The following ABHD18 variants were observed in gnomAD, a reference collection of about 807,000 sequenced individuals.
The protein encoded by ABHD18 is abhydrolase domain containing 18.
ABHD18 carries 55 observed loss-of-function variants against 65.9 expected under a neutral mutation model. That is an observed-to-expected ratio of 0.84 (90% CI 0.67 to 1.05). The LOEUF (loss-of-function observed/expected upper bound fraction) is 1.05, where lower values mean the gene tolerates loss of function less well. ABHD18 is among the 50% of genes least tolerant of loss of function. The pLI is 0.00. For missense variants in ABHD18, 533 were observed against 558.5 expected (o/e 0.95, Z 0.46); for synonymous variants, 181 against 180.2 (o/e 1.00, Z -0.04).
rs1759172178 is a variant in ABHD18, at chr4:128,039,463, A to G, written c.*3650A>G. Reference sequence around the variant, plus strand: ...CTTTGTAGTTCCTGCTCAGCCCTGAAGACCTCTAAGTTTGAGACCCCTGAT... The same window carrying G: ...CTTTGTAGTTCCTGCTCAGCCCTGAGGACCTCTAAGTTTGAGACCCCTGAT... On this transcript the variant is annotated 3_prime_UTR_variant, in exon 13 of 13. Transcript: ENST00000645843. The G allele has an allele frequency of 6.6e-6, 1 of 152,062 alleles. No homozygotes were observed. Among genetic ancestry groups the G allele is most frequent in the African/African-American group, 2.4e-5 (1 of 41,420 alleles). 9.4% of individuals were successfully genotyped at this position (152,062 alleles called of 1,614,324 possible).
intron 12 of ABHD18, chr4:128,031,226 G>A (rs1459028666): frequency 3.2e-5 from 23 of 712,942 alleles, no homozygotes; most frequent in African/African-American, 1.9e-4. Flanking sequence ...AGGCGGAGGC[G>A]GGTGTATCAC....
rs146855706 is a variant in ABHD18, at chr4:128,032,514, G to A, written c.1343+1842G>A. Among the ~76,000 whole-genome samples, 135 of 152,224 alleles carry A rather than the reference G, an allele frequency of 8.9e-4. 2 individuals carry two copies. The highest frequency in any genetic ancestry group is 3.0e-3 in the African/African-American group (123 of 41,536). ...AGCCTGGCCAATATGGTAAAACCCC[G>A]TCTCTACTAAAAATACAAAAATTAG... is the stretch of plus-strand genomic sequence containing the variant. On this transcript the variant is annotated intron_variant, in intron 12 of 12. Transcript: ENST00000645843.
intron 1 of ABHD18, among the ~76,000 whole-genome samples, chr4:127,975,665 C>T (rs1347108085): frequency 6.6e-6 from 1 of 152,118 alleles, no homozygotes; most frequent in Non-Finnish European, 1.5e-5. Flanking sequence ...TGGAGGAAAA[C>T]AAATCATGGC....
At chr4:128,028,943 A>G in intron 11 of ABHD18, 90 bp downstream of exon 11, 1 of 1,096,600 alleles carries the variant, frequency 9.1e-7, no homozygotes, top group Non-Finnish European at 1.2e-6. Flanking sequence ...ATAATTTTAT[A>G]TTTTCAAGGG....
intron 8 of ABHD18, among the ~76,000 whole-genome samples, chr4:128,019,003 GACT>G (rs1233670166): frequency 1.6e-5 from 2 of 127,634 alleles, no homozygotes; most frequent in Non-Finnish European, 3.1e-5. Flanking sequence ...AACAGAGTGA[GACT>G]ACATCTCAAA....
chr4:128,001,836 G>GT (rs1015770046), intron 4 of ABHD18: 38 of 1,301,108 alleles, frequency 2.9e-5, no homozygotes, highest in Admixed American at 1.9e-4. Context: ...GTTGAGTTTT[G>GT]TTTTGTTTTG....
chr4:127,987,009 G>T (rs1444306519), intron 3 of ABHD18, among the ~76,000 whole-genome samples: 2 of 152,112 alleles, frequency 1.3e-5, no homozygotes, highest in Admixed American at 6.5e-5. Context: ...ACACTAATTT[G>T]TTGCATTATT....
chr4:127,978,233 C>T (rs1748335931), intron 1 of ABHD18, among the ~76,000 whole-genome samples: 1 of 151,778 alleles, frequency 6.6e-6, no homozygotes, highest in Non-Finnish European at 1.5e-5. Flanking sequence ...TTTGTGGGTA[C>T]ATAGTAGGTG....
chr4:128,004,065 T>A (rs947907393), intron 4 of ABHD18, among the ~76,000 whole-genome samples: 17 of 152,342 alleles, frequency 1.1e-4, no homozygotes, highest in Admixed American at 4.6e-4. Context: ...ATAATTTTTT[T>A]AAATTATTCT....
chr4:127,975,593 C>T (rs1430352978), intron 1 of ABHD18, among the ~76,000 whole-genome samples: 1 of 152,132 alleles, frequency 6.6e-6, no homozygotes, highest in Non-Finnish European at 1.5e-5. Flanking sequence ...AAAGCTCCCA[C>T]CTTTTATGTA....
intron 1 of ABHD18, among the ~76,000 whole-genome samples, chr4:127,982,168 G>GA (rs1437211651): frequency 3.3e-5 from 5 of 151,594 alleles, no homozygotes; most frequent in Non-Finnish European, 7.4e-5. Flanking sequence ...TAAGATCTGA[G>GA]AAAAAATAAA....
chr4:127,990,445 T>A (rs530179812), intron 4 of ABHD18, among the ~76,000 whole-genome samples: 2 of 152,160 alleles, frequency 1.3e-5, no homozygotes, highest in Non-Finnish European at 2.9e-5. Context: ...GCACCTGTAA[T>A]CCCAGCTACC....
intron 1 of ABHD18, among the ~76,000 whole-genome samples, chr4:127,969,971 G>A (rs1746413476): frequency 1.3e-5 from 2 of 151,782 alleles, no homozygotes; most frequent in Admixed American, 6.6e-5. Context: ...CTTGTCTTGC[G>A]CTCCTGGGCC....
chr4:128,012,040 C>T (rs544366831), intron 7 of ABHD18, among the ~76,000 whole-genome samples: 5 of 151,220 alleles, frequency 3.3e-5, no homozygotes, highest in South Asian at 4.2e-4. Flanking sequence ...TGCACTGGTG[C>T]GATCTCAGCT....
At chr4:127,994,167 A>G (rs1022815142) in intron 4 of ABHD18, among the ~76,000 whole-genome samples, 4 of 152,250 alleles carry the variant, frequency 2.6e-5, no homozygotes, top group Non-Finnish European at 5.9e-5. Context: ...CTGTGGTGAC[A>G]GGTTTTATAG....
intron 4 of ABHD18, among the ~76,000 whole-genome samples, chr4:127,999,745 C>T (rs1752353489): frequency 6.6e-6 from 1 of 152,122 alleles, no homozygotes; most frequent in Non-Finnish European, 1.5e-5. Flanking sequence ...GTTGTCTCAA[C>T]CTGTTGATAC....
rs1433995299 is a variant in ABHD18, at chr4:127,978,368, A to G, written c.-17-4571A>G. Among the ~76,000 whole-genome samples the G allele has an allele frequency of 2.6e-5, 4 of 151,414 alleles. No individual in the cohort carries two copies. The South Asian group carries it at 6.2e-4, about 24-fold the overall frequency. ...CCATTTTACAATGACCGCCAATGAG[A>G]AGAAGGAATTTAATATTTTAAAGAA... On this transcript the variant is annotated intron_variant, in intron 1 of 12. Coordinates refer to ENST00000645843, the MANE Select transcript of ABHD18 (RefSeq NM_001358451.3).
chr4:128,024,216 G>C (rs1756995050), intron 10 of ABHD18, among the ~76,000 whole-genome samples: 1 of 152,172 alleles, frequency 6.6e-6, no homozygotes, highest in Non-Finnish European at 1.5e-5. Context: ...GAATGTGTGT[G>C]TGTGCAAAAG....
At chr4:128,027,046 G>T (rs1211439426) in intron 10 of ABHD18, among the ~76,000 whole-genome samples, 1 of 152,116 alleles carries the variant, frequency 6.6e-6, no homozygotes, top group African/African-American at 2.4e-5. Context: ...GCCTCCCAAA[G>T]GGCAGGGATT....
Sources: allele counts gnomAD v4.1 joint callset (sites outside exome capture counted in the v4.1 genomes callset), GRCh38; gene constraint gnomAD v4.1.1; transcripts MANE v1.5; gene names NCBI Gene and HGNC (gene_info 2026-07-23, HGNC 2026-07-21).